The following SLC35F1 variants were observed in gnomAD, a reference collection of about 807,000 sequenced individuals.
SLC35F1 encodes the protein solute carrier family 35 member F1.
A neutral mutation model predicts 48.7 loss-of-function variants in SLC35F1; 14 were observed. The observed-to-expected ratio is 0.29, with a 90% CI of 0.19 to 0.45. The LOEUF is 0.45. Among genes scored for constraint, SLC35F1 ranks in the 20% least tolerant of loss-of-function variants. The probability of loss-of-function intolerance (pLI) is 1.00; values close to 1 mark genes in which losing one functional copy is unlikely to be tolerated. For synonymous variants in SLC35F1, 190 were observed against 202.2 expected (o/e 0.94, Z 0.51); for missense variants, 404 against 500.0 (o/e 0.81, Z 1.83).
At chr6:118,196,806 A>G (rs990115171) in intron 2 of SLC35F1, among the ~76,000 whole-genome samples, 1 of 152,088 alleles carries the variant, frequency 6.6e-6, no homozygotes, top group Non-Finnish European at 1.5e-5. Context: ...TTCTTCTAGG[A>G]GTGTTGTGGT....
At chr6:117,971,212 A>G (rs1776633570) in intron 1 of SLC35F1, among the ~76,000 whole-genome samples, 1 of 152,242 alleles carries the variant, frequency 6.6e-6, no homozygotes, top group African/African-American at 2.4e-5. Flanking sequence ...TCCGAAATCC[A>G]ATAGGGCAGT....
intron 2 of SLC35F1, among the ~76,000 whole-genome samples, chr6:118,166,836 GAAGGAGCCAACCTGGTACGC>G (rs1774325359): frequency 6.6e-6 from 1 of 152,172 alleles, no homozygotes; most frequent in African/African-American, 2.4e-5. Context: ...TCTCTTAACT[GAAGGAGCCAACCTGGTACGC>G]AAGCCAAGGA....
chr6:117,926,597 A>G (rs1357975571), intron 1 of SLC35F1, among the ~76,000 whole-genome samples: 2 of 152,136 alleles, frequency 1.3e-5, no homozygotes, highest in African/African-American at 2.4e-5. Context: ...AGGAAACAAT[A>G]CATTAGAAGC....
intron 7 of SLC35F1, among the ~76,000 whole-genome samples, chr6:118,309,194 T>TGTGTGTGTGC (rs1044309710): frequency 9.8e-6 from 1 of 102,256 alleles, no homozygotes; most frequent in African/African-American, 3.3e-5. Context: ...TGTGTGTGTG[T>TGTGTGTGTGC]GTGTGTGTGC....
In SLC35F1 at chr6:117,923,763, G is replaced by GTACATATA. The variant is rs1775969946; in HGVS notation, c.173+15864_173+15865insTACATATA. ...TACATATATGTACATATATACATAT[G>GTACATATA]CACATACATATGTATATATACATAT... On this transcript the variant is annotated intron_variant, in intron 1 of 7. Coordinates refer to ENST00000360388, the MANE Select transcript of SLC35F1 (RefSeq NM_001029858.4). 5.5e-4 allele frequency among the ~76,000 whole-genome samples: 10 copies of GTACATATA among 18,074 alleles called. 1 individual carries two copies. Among genetic ancestry groups the GTACATATA allele is most frequent in the East Asian group, 2.3e-3 (1 of 442 alleles). 11.9% of individuals were successfully genotyped at this position (18,074 alleles called of 152,430 possible).
chr6:118,241,091 G>A (rs566860190), intron 3 of SLC35F1, among the ~76,000 whole-genome samples: 1 of 152,332 alleles, frequency 6.6e-6, no homozygotes, highest in South Asian at 2.1e-4. Flanking sequence ...AGAGCCAAGA[G>A]TTAAGCTGGG....
At chr6:118,034,786 T>C (rs112719289) in intron 1 of SLC35F1, among the ~76,000 whole-genome samples, 4 of 147,836 alleles carry the variant, frequency 2.7e-5, no homozygotes, top group Non-Finnish European at 4.4e-5. Context: ...CCCAGACTCT[T>C]TATTTCAGGG....
chr6:118,076,325 T>G (rs997684662), intron 1 of SLC35F1, among the ~76,000 whole-genome samples: 5 of 152,196 alleles, frequency 3.3e-5, no homozygotes, highest in African/African-American at 1.2e-4. Context: ...GCTAATTGTT[T>G]CCAACATTGT....
intron 3 of SLC35F1, among the ~76,000 whole-genome samples, chr6:118,254,193 C>T (rs893703920): frequency 3.3e-5 from 5 of 152,244 alleles, no homozygotes; most frequent in Non-Finnish European, 5.9e-5. Context: ...GTATTCACGC[C>T]GGTATCCTCT....
At chr6:118,054,837 C>T (rs186961554) in intron 1 of SLC35F1, among the ~76,000 whole-genome samples, 5 of 151,774 alleles carry the variant, frequency 3.3e-5, no homozygotes, top group Non-Finnish European at 5.9e-5. Flanking sequence ...GAGGCAGTGG[C>T]GCGATCTCAG....
In SLC35F1 at chr6:118,314,060, C is replaced by T. The variant is rs956453106; in HGVS notation, c.1035C>T (p.Thr345=). The T allele has an allele frequency of 7.4e-6, 12 of 1,613,994 alleles. No individual in the cohort carries two copies. The highest frequency in any genetic ancestry group is 1.0e-5 in the Non-Finnish European group (12 of 1,180,026). ...FSGLYLLSFF[T]ILIGLVLYSS... ...GACTTTATCTCCTGTCTTTCTTCAC[C>T]ATCCTCATTGGGCTGGTGCTCTACT... is the stretch of plus-strand genomic sequence containing the variant. The change falls in exon 8 of 8, where the codon ACC becomes ACT. Residue 345 remains threonine (T), a synonymous_variant. Coordinates refer to ENST00000360388, the MANE Select transcript of SLC35F1 (RefSeq NM_001029858.4).
intron 2 of SLC35F1, among the ~76,000 whole-genome samples, chr6:118,210,226 A>T (rs1441696561): frequency 1.3e-5 from 2 of 152,084 alleles, no homozygotes; most frequent in Non-Finnish European, 2.9e-5. Flanking sequence ...TTAAAATTAG[A>T]CCTAATTGTG....
At chr6:118,297,637 TAAAAAA>T (rs370657472) in intron 7 of SLC35F1, among the ~76,000 whole-genome samples, 14,408 of 105,624 alleles carry the variant, frequency 0.14, 1,336 homozygotes, top group African/African-American at 0.28. Flanking sequence ...TATATATATA[TAAAAAA>T]TATATATATA....
chr6:118,054,152 C>A (rs999174531), intron 1 of SLC35F1, among the ~76,000 whole-genome samples: 1 of 152,032 alleles, frequency 6.6e-6, no homozygotes, highest in Non-Finnish European at 1.5e-5. Flanking sequence ...ATTCATTTAT[C>A]TTTTGGAGTC....
chr6:118,219,921 G>GA (rs1172073947), intron 2 of SLC35F1, among the ~76,000 whole-genome samples: 1 of 152,020 alleles, frequency 6.6e-6, no homozygotes, highest in East Asian at 1.9e-4. Context: ...CGCAGGGACA[G>GA]AAAACCAAAC....
chr6:117,968,334 G>T (rs1776596999), intron 1 of SLC35F1, among the ~76,000 whole-genome samples: 1 of 152,222 alleles, frequency 6.6e-6, no homozygotes, highest in Admixed American at 6.5e-5. Flanking sequence ...TTTGTCTATT[G>T]TTTGGTAAGA....
Position 118,271,411 on chromosome 6 carries a change from C to G in SLC35F1, c.638-4048C>G, listed in dbSNP as rs140281460. 2.4e-3 allele frequency among the ~76,000 whole-genome samples: 365 copies of G among 152,188 alleles called. 1 individual carries two copies. The highest frequency in any genetic ancestry group is 8.3e-3 in the African/African-American group (345 of 41,524). ...TAGTAAATTAGTGTAAGTGACTGCCCTAGGTTGCCCAGAATGGAGAAGTTC... is the reference window on the plus strand; with the variant it reads ...TAGTAAATTAGTGTAAGTGACTGCCGTAGGTTGCCCAGAATGGAGAAGTTC... On this transcript the variant is annotated intron_variant, in intron 4 of 7. Transcript: ENST00000360388.
intron 1 of SLC35F1, among the ~76,000 whole-genome samples, chr6:117,986,952 A>T (rs1261496723): frequency 6.6e-6 from 1 of 152,194 alleles, no homozygotes; most frequent in Non-Finnish European, 1.5e-5. Context: ...ACTGACTTAC[A>T]TAATTAGGTA....
intron 1 of SLC35F1, among the ~76,000 whole-genome samples, chr6:118,056,104 CTT>C (rs944052808): frequency 1.3e-5 from 2 of 152,248 alleles, no homozygotes; most frequent in African/African-American, 4.8e-5. Context: ...ATTTGTGAAA[CTT>C]TTCTAAGTGT....
Sources: gnomAD v4.1 joint callset for allele counts (sites outside exome capture counted in the v4.1 genomes callset) on GRCh38, gnomAD v4.1.1 for gene constraint, MANE v1.5 for transcripts, NCBI Gene and HGNC (gene_info 2026-07-23, HGNC 2026-07-21) for gene names.